MYRIP: variants seen among roughly 807,000 people sequenced by gnomAD.
The protein encoded by MYRIP is myosin VIIA and Rab interacting protein, also known as rab effector MyRIP.
A neutral mutation model predicts 98.0 loss-of-function variants in MYRIP; 49 were observed. The ratio of observed to expected loss-of-function variants is 0.50; its 90% CI spans 0.40 to 0.63. The LOEUF is 0.63. MYRIP is among the 30% of genes least tolerant of loss of function. MYRIP has a pLI of 0.00. For missense variants in MYRIP, 1,004 were observed against 1,058.2 expected (o/e 0.95, Z 0.71); for synonymous variants, 404 against 409.5 (o/e 0.99, Z 0.16).
At chr3:39,933,549 A>G (rs1944589458) in intron 2 of MYRIP, among the ~76,000 whole-genome samples, 1 of 152,202 alleles carries the variant, frequency 6.6e-6, no homozygotes, top group Non-Finnish European at 1.5e-5. Flanking sequence ...AGAAGAAGCC[A>G]CTCAATTCCA....
chr3:40,122,606 T>C (rs1949427847), intron 3 of MYRIP, among the ~76,000 whole-genome samples: 1 of 151,888 alleles, frequency 6.6e-6, no homozygotes, highest in Non-Finnish European at 1.5e-5. Flanking sequence ...TAAATTCACA[T>C]TTAAATATAC....
At chr3:39,854,546 T>C (rs563380096) in intron 1 of MYRIP, among the ~76,000 whole-genome samples, 2 of 152,252 alleles carry the variant, frequency 1.3e-5, no homozygotes, top group Non-Finnish European at 2.9e-5. Flanking sequence ...CCATATCCTG[T>C]ACTGTTTTTT....
intron 11 of MYRIP, 77 bp downstream of exon 11, chr3:40,210,170 A>ATTC: frequency 6.6e-7 from 1 of 1,514,670 alleles, no homozygotes; most frequent in Admixed American, 2.2e-5. Flanking sequence ...ATATTGGTGC[A>ATTC]GAAAGCTGCT....
At chr3:39,976,666 G>C (rs547229081) in intron 2 of MYRIP, among the ~76,000 whole-genome samples, 7 of 152,228 alleles carry the variant, frequency 4.6e-5, no homozygotes, top group Non-Finnish European at 8.8e-5. Context: ...CAATGATAGA[G>C]TGGATTTAGA....
At chr3:39,956,825 A>C (rs1945176806) in intron 2 of MYRIP, among the ~76,000 whole-genome samples, 1 of 151,816 alleles carries the variant, frequency 6.6e-6, no homozygotes, top group Admixed American at 6.5e-5. Context: ...AAATAGATGG[A>C]ATAAAAAATG....
chr3:39,926,538 A>G (rs938816104), intron 2 of MYRIP, among the ~76,000 whole-genome samples: 1 of 152,080 alleles, frequency 6.6e-6, no homozygotes, highest in African/African-American at 2.4e-5. Context: ...GTCCAGTTTC[A>G]TTCTTCTGCT....
At chr3:39,937,633 A>C (rs969522264) in intron 2 of MYRIP, among the ~76,000 whole-genome samples, 1 of 152,200 alleles carries the variant, frequency 6.6e-6, no homozygotes, top group Non-Finnish European at 1.5e-5. Flanking sequence ...TATGAAAGGG[A>C]CTCAAAGAAG....
intron 3 of MYRIP, chr3:40,071,051 A>G (rs1434185510): frequency 1.3e-6 from 1 of 783,724 alleles, no homozygotes; most frequent in African/African-American, 1.9e-5. Flanking sequence ...AAGCCAAAGC[A>G]AGATGCATTT....
intron 2 of MYRIP, among the ~76,000 whole-genome samples, chr3:39,920,874 G>T (rs1295394268): frequency 6.6e-6 from 1 of 152,166 alleles, no homozygotes; most frequent in East Asian, 1.9e-4. Context: ...AGTCACAAGG[G>T]CCAGTCCTCC....
intron 1 of MYRIP, among the ~76,000 whole-genome samples, chr3:39,871,601 T>C (rs1419434514): frequency 6.6e-6 from 1 of 152,098 alleles, no homozygotes; most frequent in Non-Finnish European, 1.5e-5. Context: ...AGAGAAAATA[T>C]AGTAACTATA....
rs144005778 is a variant in MYRIP at position 40,130,134 on chromosome 3, C to T, written c.333-20914C>T. Among the ~76,000 whole-genome samples the T allele has an allele frequency of 2.8e-3, 422 of 152,230 alleles. 4 individuals are homozygous for T. Among genetic ancestry groups the T allele is most frequent in the African/African-American group, 9.5e-3 (396 of 41,520 alleles). On this transcript the variant is annotated intron_variant, in intron 3 of 16. Coordinates refer to ENST00000302541, the MANE Select transcript of MYRIP (RefSeq NM_015460.4). ...AAAGCCCTAATTTGCCATAAGAACA[C>T]TACTAGGATTTCTGGAATAAAAATA...
In MYRIP at chr3:40,151,093, G is replaced by A. The variant is rs750481236; in HGVS notation, c.378G>A (p.Lys126=). Residue 126 remains lysine, a synonymous_variant, in exon 4 of 17, where the codon AAG becomes AAA. Transcript: ENST00000302541. ...QSLEWFYNNV[K]SRFKRFGSAK... is the part of the protein sequence containing the mutation. ...TGGAATGGTTCTACAATAATGTGAA[G>A]AGCCGCTTCAAGCGCTTTGGCAGTG... The A allele has an allele frequency of 3.5e-5, 56 of 1,610,120 alleles. No homozygotes were observed. Among genetic ancestry groups the A allele is most frequent in the South Asian group, 2.0e-4 (18 of 90,220 alleles).
intron 1 of MYRIP, among the ~76,000 whole-genome samples, chr3:39,821,989 T>C (rs1396079102): frequency 6.6e-6 from 1 of 152,222 alleles, no homozygotes; most frequent in Non-Finnish European, 1.5e-5. Flanking sequence ...GCAGTTTGGT[T>C]AATCAGTTAT....
At chr3:39,934,266 A>G (rs934178407) in intron 2 of MYRIP, among the ~76,000 whole-genome samples, 2 of 149,844 alleles carry the variant, frequency 1.3e-5, no homozygotes, top group African/African-American at 2.4e-5. Flanking sequence ...TCAGTACATC[A>G]GCTTTGTCTG....
rs530551955 is a variant in MYRIP at position 39,966,986 on chromosome 3, T to A, written c.110+66060T>A. Among the ~76,000 whole-genome samples the A allele has an allele frequency of 3.9e-5, 6 of 152,346 alleles. No individual in the cohort carries two copies. In the South Asian group the frequency reaches 1.0e-3, roughly 26 times the overall value. ...TCACATTATACAGCAGCTCCAAGCA[T>A]GTGAACCTGAACAAGCTATGTCATT... is the stretch of plus-strand genomic sequence containing the variant. On this transcript the variant is annotated intron_variant, in intron 2 of 16. Transcript: ENST00000302541.
chr3:39,827,031 T>A (rs1559487665), intron 1 of MYRIP, among the ~76,000 whole-genome samples: 1 of 152,216 alleles, frequency 6.6e-6, no homozygotes, highest in Non-Finnish European at 1.5e-5. Context: ...CCCTTTACTT[T>A]CAGTCTATGG....
intron 2 of MYRIP, among the ~76,000 whole-genome samples, chr3:40,034,241 G>C (rs1359224512): frequency 6.6e-6 from 1 of 152,056 alleles, no homozygotes; most frequent in African/African-American, 2.4e-5. Context: ...TGAAACTAAA[G>C]AGCTTCTGCA....
chr3:40,244,212 C>T (rs962256084), intron 12 of MYRIP, among the ~76,000 whole-genome samples: 8 of 152,168 alleles, frequency 5.3e-5, no homozygotes, highest in Non-Finnish European at 1.0e-4. Context: ...CTTTGAAATG[C>T]TTTTTCTTAC....
intron 3 of MYRIP, among the ~76,000 whole-genome samples, chr3:40,148,417 T>C (rs1275722029): frequency 6.6e-6 from 1 of 152,210 alleles, no homozygotes; most frequent in African/African-American, 2.4e-5. Context: ...TTTGGAATTC[T>C]GTTAGATGCT....
Sources: gnomAD v4.1 joint callset for allele counts (sites outside exome capture counted in the v4.1 genomes callset) on GRCh38, gnomAD v4.1.1 for gene constraint, MANE v1.5 for transcripts, NCBI Gene and HGNC (gene_info 2026-07-23, HGNC 2026-07-21) for gene names.